Variants in GTPBP6 observed in about 807,000 individuals in gnomAD.
GTPBP6 encodes putative GTP-binding protein 6.
A neutral mutation model predicts 28.9 loss-of-function variants in GTPBP6; 33 were observed. The ratio of observed to expected loss-of-function variants is 1.14; its 90% CI spans 0.87 to 1.53. The LOEUF is 1.53. GTPBP6 is among the 40% of genes most tolerant of loss of function. The probability of loss-of-function intolerance (pLI) is 0.00; values close to 1 mark genes in which losing one functional copy is unlikely to be tolerated. For missense variants in GTPBP6, 507 were observed against 408.3 expected (o/e 1.24, Z -2.08); for synonymous variants, 231 against 192.7 (o/e 1.20, Z -1.65).
At chrX:317,741 C>A (rs1229291406) in intron 1 of GTPBP6, among the ~76,000 whole-genome samples, 10 of 137,108 alleles carry the variant, frequency 7.3e-5, no homozygotes, top group Non-Finnish European at 1.3e-4. Context: ...ACGGACCCCA[C>A]GGGCCCCACC....
chrX:317,562 TG>T (rs1231210780), intron 1 of GTPBP6, among the ~76,000 whole-genome samples: 21 of 46,082 alleles, frequency 4.6e-4, no homozygotes, highest in African/African-American at 3.1e-3. Flanking sequence ...TCCTGGGGGG[TG>T]GGGGGTGGGA....
intron 7 of GTPBP6, among the ~76,000 whole-genome samples, chrX:309,848 C>G (rs1474047986): frequency 6.9e-6 from 1 of 144,368 alleles, no homozygotes; most frequent in East Asian, 2.1e-4. Flanking sequence ...AGGGTCTCTG[C>G]AGATGTGATT....
At chrX:314,384 T>C (rs770497650) in intron 4 of GTPBP6, among the ~76,000 whole-genome samples, 167 bp from the exon 5 acceptor site, 2 of 151,952 alleles carry the variant, frequency 1.3e-5, no homozygotes, top group South Asian at 2.1e-4. Context: ...GTGACGCGTG[T>C]CCCGGGCCGA....
intron 4 of GTPBP6, among the ~76,000 whole-genome samples, chrX:314,470 TTTC>T (rs1312722351): frequency 1.5e-4 from 23 of 150,950 alleles, no homozygotes; most frequent in Admixed American, 6.6e-4. Context: ...ACACGGTGCT[TTTC>T]TTCTTTTTTT....
intron 3 of GTPBP6, 73 bp from the exon 4 acceptor site, chrX:315,093 G>A (rs1467488423): frequency 2.5e-6 from 1 of 398,612 alleles, no homozygotes; most frequent in African/African-American, 2.1e-5. Flanking sequence ...AGAGGAAGGA[G>A]GACGTCTCTA....
chrX:315,746 CATACACAGAG>C (rs2070423451), intron 2 of GTPBP6, among the ~76,000 whole-genome samples: 7 of 28,020 alleles, frequency 2.5e-4, no homozygotes, highest in Non-Finnish European at 3.9e-4. Flanking sequence ...CACACAGACA[CATACACAGAG>C]ACACACACAA....
intron 4 of GTPBP6, among the ~76,000 whole-genome samples, chrX:314,647 C>A (rs1266995633): frequency 1.2e-4 from 18 of 151,938 alleles, no homozygotes; most frequent in Non-Finnish European, 2.5e-4. Context: ...TAATTTTTTT[C>A]TTGTATTTTT....
At chrX:312,817 G>A (rs368869165) in exon 6 of GTPBP6, 92 of 1,612,540 alleles carry the variant, frequency 5.7e-5, no homozygotes, top group Non-Finnish European at 7.2e-5. Context: ...CGCCTCGTCC[G>A]CTGCCGGCGG....
At chrX:317,934 TCCC>T (rs1251565006) in intron 1 of GTPBP6, among the ~76,000 whole-genome samples, 1 of 93,060 alleles carries the variant, frequency 1.1e-5, no homozygotes, top group Non-Finnish European at 2.1e-5. Context: ...TATGAGATCC[TCCC>T]TTCAGAGCCC....
In GTPBP6 at chrX:312,726, C is replaced by T. The variant is rs369741991; in HGVS notation, c.916+40G>A. 1.5e-4 allele frequency: 235 copies of T among 1,586,820 alleles called. No homozygotes were observed. The African/African-American group carries it at 1.9e-3, about 13-fold the overall frequency. On this transcript the variant is annotated intron_variant, in intron 6 of 9. Coordinates refer to ENST00000326153, the Ensembl canonical transcript of GTPBP6. ...CCCGGGCGAGTCCTCACCGGTGACA[C>T]GGAGACCGCGGAAGGCCCCTCCCCT...
intron 7 of GTPBP6, among the ~76,000 whole-genome samples, chrX:310,559 A>G (rs2070264990): frequency 3.6e-5 from 5 of 137,316 alleles, no homozygotes; most frequent in Non-Finnish European, 7.6e-5. Context: ...CTGAAATGAG[A>G]TCATCCTGGA....
At chrX:316,155 CATCCCGACAGGGACAG>C (rs2070434789) in intron 2 of GTPBP6, among the ~76,000 whole-genome samples, 1 of 71,428 alleles carries the variant, frequency 1.4e-5, no homozygotes, top group Non-Finnish European at 2.8e-5. Flanking sequence ...ACAGTAAATA[CATCCCGACAGGGACAG>C]ACACACACAC....
chrX:308,705 A>T (rs1464711293), intron 7 of GTPBP6, among the ~76,000 whole-genome samples: 2 of 151,806 alleles, frequency 1.3e-5, no homozygotes, highest in East Asian at 3.9e-4. Context: ...AAAACAAAAA[A>T]AATAATTTCA....
rs2070227602 is a variant in GTPBP6 at position 308,861 on chromosome X, G to A, written c.1126-981C>T. Among the ~76,000 whole-genome samples, 5 of 147,288 alleles carry A rather than the reference G, an allele frequency of 3.4e-5. No individual in the cohort carries two copies. The South Asian group carries it at 1.0e-3, about 31-fold the overall frequency. The stretch of plus-strand genomic sequence containing the variant: ...CCATTCTCCTGCCTCAGCCTCTCTT[G>A]AGTAGCTGGGACTACAGGCACCCGC... On this transcript the variant is annotated intron_variant, in intron 7 of 9. Coordinates refer to ENST00000326153, the Ensembl canonical transcript of GTPBP6.
intron 9 of GTPBP6, 37 bp downstream of exon 9, chrX:307,323 A>C (rs2070191409): frequency 6.2e-7 from 1 of 1,600,764 alleles, no homozygotes; most frequent in Non-Finnish European, 8.5e-7. Context: ...AGGCATCCAA[A>C]GCACCATCCC....
At chrX:315,576 ACACAC>A (rs2070416428) in intron 2 of GTPBP6, among the ~76,000 whole-genome samples, 2 of 148,652 alleles carry the variant, frequency 1.3e-5, no homozygotes, top group African/African-American at 4.9e-5. Context: ...ACACACACAC[ACACAC>A]ACACAGTAAA....
At chrX:313,372 C>T (rs2070354643) in intron 5 of GTPBP6, among the ~76,000 whole-genome samples, 1 of 152,150 alleles carries the variant, frequency 6.6e-6, no homozygotes, top group African/African-American at 2.4e-5. Context: ...GACCTGTGTC[C>T]TTCTAAGAAG....
chrX:315,585 CAG>C (rs2070416902), intron 2 of GTPBP6, among the ~76,000 whole-genome samples: 130 of 52,340 alleles, frequency 2.5e-3, no homozygotes, highest in Middle Eastern at 0.019. Flanking sequence ...CACACACACA[CAG>C]TAAATACATC....
intron 9 of GTPBP6, among the ~76,000 whole-genome samples, chrX:306,388 T>C (rs1205462921): frequency 6.7e-6 from 1 of 149,624 alleles, no homozygotes; most frequent in Non-Finnish European, 1.5e-5. Context: ...AAGCACAGAT[T>C]AGGCACCTGT....
Sources: gnomAD v4.1 joint callset for allele counts (sites outside exome capture counted in the v4.1 genomes callset) on GRCh38, gnomAD v4.1.1 for gene constraint, MANE v1.5 for transcripts, NCBI Gene and HGNC (gene_info 2026-07-23, HGNC 2026-07-21) for gene names.